GRM7: variants seen among roughly 807,000 people sequenced by gnomAD.
GRM7 encodes the protein metabotropic glutamate receptor 7.
Under a neutral mutation model 84.5 loss-of-function variants are expected in GRM7, and 35 were observed. The ratio of observed to expected loss-of-function variants is 0.41; its 90% CI spans 0.32 to 0.55. GRM7 has a LOEUF of 0.55. GRM7 is among the 20% of genes least tolerant of loss of function. GRM7 has a pLI of 0.19. For synonymous variants in GRM7, 487 were observed against 455.1 expected (o/e 1.07, Z -0.89); for missense variants, 1,003 against 1,194.6 (o/e 0.84, Z 2.36).
At chr3:7,437,581 C>G (rs991827904) in intron 5 of GRM7, among the ~76,000 whole-genome samples, 2 of 152,094 alleles carry the variant, frequency 1.3e-5, no homozygotes, top group East Asian at 3.8e-4. Context: ...TTTCTTAACT[C>G]ATAATGTTTA....
chr3:7,446,450 GTTTTTTTTTTTTTGTTTT>G (rs1697511910), intron 5 of GRM7, among the ~76,000 whole-genome samples: 1 of 108,022 alleles, frequency 9.3e-6, no homozygotes, highest in East Asian at 2.5e-4. Context: ...TTTTGGTCTT[GTTTTTTTTTTTTTGTTTT>G]TTTTTTTTTT....
intron 8 of GRM7, among the ~76,000 whole-genome samples, chr3:7,625,429 T>A (rs1225450485): frequency 6.6e-6 from 1 of 152,204 alleles, no homozygotes; most frequent in Non-Finnish European, 1.5e-5. Context: ...CAAGCCCTTC[T>A]ACACTATTTG....
intron 1 of GRM7, among the ~76,000 whole-genome samples, chr3:6,953,137 T>G (rs1263507131): frequency 1.3e-5 from 2 of 152,214 alleles, no homozygotes; most frequent in Non-Finnish European, 2.9e-5. Context: ...TGCTGCAGAC[T>G]TTTTTTGATG....
chr3:7,456,262 T>G (rs1379472534), intron 6 of GRM7, among the ~76,000 whole-genome samples: 2 of 152,120 alleles, frequency 1.3e-5, no homozygotes, highest in Non-Finnish European at 2.9e-5. Context: ...TGATTCTTCT[T>G]TTAGAGAATG....
chr3:7,022,524 G>A (rs1312885497), intron 1 of GRM7, among the ~76,000 whole-genome samples: 1 of 151,102 alleles, frequency 6.6e-6, no homozygotes, highest in East Asian at 1.9e-4. Context: ...AATACTTCTA[G>A]TACCCCAAAA....
Position 7,665,468 on chromosome 3 carries a change from C to T in GRM7, c.2452-14581C>T, listed in dbSNP as rs1430778324. On this transcript the variant is annotated intron_variant, in intron 8 of 9. Coordinates refer to ENST00000357716, the MANE Select transcript of GRM7 (RefSeq NM_000844.4). ...GGGATTACAAGCGTGAGCCACCGCG[C>T]CCGGCCTTGCCCATGATTCTTAATA... Among the ~76,000 whole-genome samples, 4 of 152,026 alleles carry T rather than the reference C, an allele frequency of 2.6e-5. No individual in the cohort carries two copies. The East Asian group carries it at 5.8e-4, about 22-fold the overall frequency.
intron 8 of GRM7, among the ~76,000 whole-genome samples, chr3:7,621,099 G>GTAATGTCTCCCTGATTGAACATAAC: frequency 6.6e-6 from 1 of 152,176 alleles, no homozygotes. Context: ...TTTATAGACT[G>GTAATGTCTCCCTGATTGAACATAAC]TAATGTCTCC....
intron 1 of GRM7, among the ~76,000 whole-genome samples, chr3:7,020,289 A>G (rs985646201): frequency 2.0e-5 from 3 of 152,242 alleles, no homozygotes; most frequent in Admixed American, 6.5e-5. Context: ...CAACTATGTG[A>G]CATTCTGGAA....
intron 9 of GRM7, among the ~76,000 whole-genome samples, chr3:7,685,336 C>T (rs1042664548): frequency 6.6e-6 from 1 of 152,186 alleles, no homozygotes; most frequent in Non-Finnish European, 1.5e-5. Flanking sequence ...AGCTACCTTT[C>T]TCTTAAGCTA....
chr3:7,559,933 G>C (rs1298726921), intron 7 of GRM7, among the ~76,000 whole-genome samples: 1 of 151,886 alleles, frequency 6.6e-6, no homozygotes, highest in Non-Finnish European at 1.5e-5. Context: ...ACCTTCTTTT[G>C]TGGACACCAG....
intron 1 of GRM7, among the ~76,000 whole-genome samples, chr3:7,138,481 G>T (rs1165930898): frequency 6.6e-6 from 1 of 151,792 alleles, no homozygotes; most frequent in African/African-American, 2.4e-5. Flanking sequence ...TAGGCATACT[G>T]GTAGACATGA....
chr3:7,036,480 G>A (rs1204982396), intron 1 of GRM7, among the ~76,000 whole-genome samples: 1 of 152,066 alleles, frequency 6.6e-6, no homozygotes, highest in Non-Finnish European at 1.5e-5. Flanking sequence ...AGATAACAAA[G>A]CTTACATGGG....
chr3:6,972,726 C>T (rs963511550), intron 1 of GRM7, among the ~76,000 whole-genome samples: 4 of 152,166 alleles, frequency 2.6e-5, no homozygotes, highest in African/African-American at 4.8e-5. Flanking sequence ...CCCTTAGAAT[C>T]GTCTTGTGTT....
At chr3:7,442,432 A>T (rs1486762951) in intron 5 of GRM7, among the ~76,000 whole-genome samples, 3 of 152,166 alleles carry the variant, frequency 2.0e-5, no homozygotes, top group African/African-American at 7.2e-5. Context: ...TTTGTTTCCT[A>T]TTTAGATGCC....
intron 1 of GRM7, among the ~76,000 whole-genome samples, chr3:6,891,852 C>G (rs540314764): frequency 6.6e-6 from 1 of 152,190 alleles, no homozygotes; most frequent in African/African-American, 2.4e-5. Flanking sequence ...CTATTCTCCC[C>G]GTCACTTTCA....
intron 2 of GRM7, among the ~76,000 whole-genome samples, chr3:7,287,064 T>C (rs1451490078): frequency 1.3e-5 from 2 of 152,092 alleles, no homozygotes; most frequent in Non-Finnish European, 2.9e-5. Context: ...TTGCTCCCCT[T>C]CCACCCCCAA....
At chr3:7,221,193 T>A (rs2124874793) in intron 2 of GRM7, among the ~76,000 whole-genome samples, 1 of 152,342 alleles carries the variant, frequency 6.6e-6, no homozygotes, top group Admixed American at 6.5e-5. Flanking sequence ...GTTATGTGCA[T>A]CTTTACTCTC....
chr3:7,694,414 C>A, intron 9 of GRM7: 1 of 958,150 alleles, frequency 1.0e-6, no homozygotes, highest in Non-Finnish European at 1.2e-6. Context: ...GTCTCTTGTA[C>A]CCATTGTCAT....
chr3:7,080,182 G>T (rs1203135471), intron 1 of GRM7, among the ~76,000 whole-genome samples: 1 of 151,950 alleles, frequency 6.6e-6, no homozygotes, highest in African/African-American at 2.4e-5. Context: ...CCAAAAATAT[G>T]TGGTCATCAA....
Sources: allele counts gnomAD v4.1 joint callset (sites outside exome capture counted in the v4.1 genomes callset), GRCh38; gene constraint gnomAD v4.1.1; transcripts MANE v1.5; gene names NCBI Gene and HGNC (gene_info 2026-07-23, HGNC 2026-07-21).